Variants in MAGI2 observed in about 807,000 individuals in gnomAD.
MAGI2 encodes membrane-associated guanylate kinase, WW and PDZ domain-containing protein 2.
In MAGI2, 35 loss-of-function variants were observed where a neutral mutation model predicts 133.3. The observed-to-expected ratio is 0.26, with a 90% confidence interval of 0.20 to 0.35. The LOEUF (loss-of-function observed/expected upper bound fraction) is 0.35, where lower values mean the gene tolerates loss of function less well. Ranked by LOEUF, MAGI2 falls within the 10% of genes least tolerant of loss-of-function variation. The pLI is 1.00. For synonymous variants in MAGI2, 729 were observed against 710.6 expected (o/e 1.03, Z -0.41); for missense variants, 1,636 against 1,863.4 (o/e 0.88, Z 2.25).
At chr7:79,338,729 T>C (rs904876860) in intron 1 of MAGI2, among the ~76,000 whole-genome samples, 6 of 152,096 alleles carry the variant, frequency 3.9e-5, no homozygotes, top group African/African-American at 1.4e-4. Flanking sequence ...TTAAATGTTG[T>C]AACATATTTT....
chr7:78,164,249 CCTGGGT>C (rs1423093836), intron 15 of MAGI2, among the ~76,000 whole-genome samples: 1 of 150,284 alleles, frequency 6.7e-6, no homozygotes, highest in Non-Finnish European at 1.5e-5. Context: ...CCAGGATGTG[CCTGGGT>C]CTCTTCTCAG....
At position 79,453,056 on chromosome 7, in the gene MAGI2, A is replaced by G. The variant is rs762325412; in HGVS notation, c.265T>C (p.Cys89Arg). Reference sequence around the variant, plus strand: ...CACTTGAGCCGGAGGGGGTCCTTGCAGTGTTTGATCACGGCCAGCACGTCC... The same window carrying G: ...CACTTGAGCCGGAGGGGGTCCTTGCGGTGTTTGATCACGGCCAGCACGTCC... ...IRDVLAVIKH[C>R]KDPLRLKCVK... The change falls in exon 1 of 22, where the codon TGC (cysteine) becomes CGC (arginine). Residue 89 changes from cysteine (C) to arginine (R), a missense_variant. Physicochemically the swap from Cys to Arg is radical, Grantham distance 180. This residue lies in a region of MAGI2 where 148 missense variants were observed against 239.0 expected (regional missense o/e 0.62). Transcript: ENST00000354212. 1 of 1,609,876 alleles carries G rather than the reference A, an allele frequency of 6.2e-7. No homozygotes were observed. The highest frequency in any genetic ancestry group is 8.5e-7 in the Non-Finnish European group (1 of 1,178,026).
intron 1 of MAGI2, among the ~76,000 whole-genome samples, chr7:79,349,328 T>C (rs922473476): frequency 6.6e-6 from 1 of 152,078 alleles, no homozygotes; most frequent in East Asian, 1.9e-4. Context: ...TAACACTAGA[T>C]TGGATATTAG....
intron 2 of MAGI2, among the ~76,000 whole-genome samples, chr7:78,848,827 G>A (rs973043138): frequency 4.0e-5 from 6 of 151,816 alleles, no homozygotes; most frequent in Admixed American, 2.6e-4. Context: ...CATCATCCAC[G>A]ACCAGCCCTG....
At chr7:78,522,742 G>A (rs547768525) in intron 3 of MAGI2, among the ~76,000 whole-genome samples, 5 of 152,146 alleles carry the variant, frequency 3.3e-5, no homozygotes, top group Non-Finnish European at 5.9e-5. Context: ...ATTTAGATTG[G>A]TAAAGAACGT....
At chr7:79,441,675 A>C (rs925958199) in intron 1 of MAGI2, among the ~76,000 whole-genome samples, 2 of 152,116 alleles carry the variant, frequency 1.3e-5, no homozygotes, top group Admixed American at 6.6e-5. Flanking sequence ...AATGTAATTC[A>C]AAATACTATA....
intron 3 of MAGI2, among the ~76,000 whole-genome samples, chr7:78,602,445 C>G (rs1164435720): frequency 6.6e-6 from 1 of 152,192 alleles, no homozygotes; most frequent in Non-Finnish European, 1.5e-5. Flanking sequence ...CAGGCATGAG[C>G]CACCATACCC....
intron 1 of MAGI2, among the ~76,000 whole-genome samples, chr7:79,250,471 G>C (rs1479014803): frequency 1.3e-5 from 2 of 151,336 alleles, no homozygotes; most frequent in East Asian, 3.9e-4. Context: ...ATCTGAGAAA[G>C]AAATCAAGAA....
chr7:79,314,442 C>T (rs554618860), intron 1 of MAGI2, among the ~76,000 whole-genome samples: 13 of 152,282 alleles, frequency 8.5e-5, no homozygotes, highest in Admixed American at 3.9e-4. Context: ...GTCCTATGAC[C>T]TGGAAATTTC....
At chr7:78,089,862 C>A (rs11972802) in intron 20 of MAGI2, among the ~76,000 whole-genome samples, 1 of 152,152 alleles carries the variant, frequency 6.6e-6, no homozygotes, top group Admixed American at 6.5e-5. Flanking sequence ...TTTTGCCTCA[C>A]TCCTCCTCAA....
chr7:79,038,853 T>A (rs1811356026), intron 1 of MAGI2, among the ~76,000 whole-genome samples: 1 of 152,232 alleles, frequency 6.6e-6, no homozygotes, highest in Non-Finnish European at 1.5e-5. Context: ...TTTTTAACCA[T>A]GTCATGGTAC....
At chr7:78,085,170 A>T (rs1381120895) in intron 20 of MAGI2, among the ~76,000 whole-genome samples, 2 of 152,162 alleles carry the variant, frequency 1.3e-5, no homozygotes, top group African/African-American at 2.4e-5. Context: ...ATTTGCTTCA[A>T]TTCATTTATG....
At chr7:78,195,370 T>A (rs1336931867) in intron 11 of MAGI2, among the ~76,000 whole-genome samples, 1 of 152,212 alleles carries the variant, frequency 6.6e-6, no homozygotes, top group African/African-American at 2.4e-5. Flanking sequence ...CCCTATAAGA[T>A]AAAGATAATG....
chr7:78,204,145 T>A (rs1829517337), intron 10 of MAGI2, among the ~76,000 whole-genome samples: 1 of 152,254 alleles, frequency 6.6e-6, no homozygotes, highest in Admixed American at 6.5e-5. Flanking sequence ...TATTGTGTGG[T>A]GAATTTCCAC....
At chr7:79,036,191 T>C (rs1811110151) in intron 1 of MAGI2, among the ~76,000 whole-genome samples, 2 of 152,204 alleles carry the variant, frequency 1.3e-5, no homozygotes, top group Admixed American at 1.3e-4. Flanking sequence ...CAAATAACTT[T>C]CACGGATAGC....
intron 1 of MAGI2, among the ~76,000 whole-genome samples, chr7:79,345,648 A>G (rs1841256420): frequency 6.6e-6 from 1 of 152,068 alleles, no homozygotes; most frequent in East Asian, 1.9e-4. Context: ...TGTTTCTTGG[A>G]TGTGTTCTAA....
At chr7:78,501,815 G>A (rs377101654) in intron 4 of MAGI2, 28 bp from the exon 5 acceptor site, 44 of 1,572,280 alleles carry the variant, frequency 2.8e-5, no homozygotes, top group Admixed American at 1.7e-4. Flanking sequence ...CACGTGGTTA[G>A]TCACTCCAAC....
intron 9 of MAGI2, among the ~76,000 whole-genome samples, chr7:78,283,469 AAG>A (rs1795834294): frequency 6.6e-6 from 1 of 151,992 alleles, no homozygotes; most frequent in African/African-American, 2.4e-5. Context: ...TAACCTGAAT[AAG>A]TAAATATATG....
At position 78,998,912 on chromosome 7, in the gene MAGI2, C is replaced by G. The variant is rs374347226; in HGVS notation, c.418+8178G>C. Reference sequence around the variant, plus strand: ...ACAGTAAGATGTGTTGACCTTCTTACGTCCAGCAAGGCTATGATTTTGGAG... The same window carrying G: ...ACAGTAAGATGTGTTGACCTTCTTAGGTCCAGCAAGGCTATGATTTTGGAG... On this transcript the variant is annotated intron_variant, in intron 2 of 21. Coordinates refer to ENST00000354212, the MANE Select transcript of MAGI2 (RefSeq NM_012301.4). 1.3e-4 allele frequency among the ~76,000 whole-genome samples: 20 copies of G among 152,200 alleles called. No homozygotes were observed. In the South Asian group the frequency reaches 3.1e-3, roughly 24 times the overall value.
Sources: allele counts gnomAD v4.1 joint callset (sites outside exome capture counted in the v4.1 genomes callset), GRCh38; gene constraint gnomAD v4.1.1; regional missense constraint gnomAD v4.1.1; transcripts MANE v1.5; gene names NCBI Gene and HGNC (gene_info 2026-07-23, HGNC 2026-07-21).